The following CFAP74 variants were observed in gnomAD, a reference collection of about 807,000 sequenced individuals.
The protein encoded by CFAP74 is cilia and flagella associated protein 74, also known as cilia- and flagella-associated protein 74.
A neutral mutation model predicts 188.9 loss-of-function variants in CFAP74; 124 were observed. The ratio of observed to expected loss-of-function variants is 0.66; its 90% CI spans 0.57 to 0.76. The LOEUF is 0.76. Among genes scored for constraint, CFAP74 ranks in the 30% least tolerant of loss-of-function variants. CFAP74 has a pLI of 0.00. For synonymous variants in CFAP74, 956 were observed against 916.7 expected, an observed-to-expected ratio of 1.04 and a Z score of -0.77; for missense variants, 2,198 against 2,165.2, an observed-to-expected ratio of 1.02 and a Z score of -0.30.
rs55676322 is a variant in CFAP74 at position 1,968,936 on chromosome 1, G to A, written c.1047-103C>T. ...GCCCCTCCCTAGCGCCCTCCTGGGG[G>A]CTCCGGTCCTGCCCAGCAGCCCCAG... On this transcript the variant is annotated intron_variant, in intron 10 of 38. Coordinates refer to ENST00000682832, the MANE Select transcript of CFAP74 (RefSeq NM_001304360.2). This position sits in a 1 kb window ranked among gnomAD's most constrained non-coding sequence, Gnocchi z 4.3. The A allele has an allele frequency of 3.7e-3, 2,266 of 618,720 alleles. 6 individuals carry two copies. The highest frequency in any genetic ancestry group is 6.0e-3 in the Admixed American group (175 of 29,164). The allele number at this position is 618,720 out of a possible 1,614,324, so 38.3% of individuals were successfully genotyped here. A position where few individuals can be genotyped will look rare whatever the true frequency, so the allele number is the denominator to read the frequency against.
In CFAP74 at chr1:1,922,575, C is replaced by T. The variant is rs1421221219; in HGVS notation, c.4818+14G>A. 3 of 1,608,608 alleles carry T rather than the reference C, an allele frequency of 1.9e-6. No individual in the cohort carries two copies. In the Admixed American group the frequency reaches 5.0e-5, roughly 27 times the overall value. On this transcript the variant is annotated intron_variant, in intron 38 of 38. Coordinates refer to ENST00000682832, the MANE Select transcript of CFAP74 (RefSeq NM_001304360.2). ...TTCCCAGGGCTCCCTGGCCTGGAGC[C>T]CAAAGGCACCTACATCAAAGTCCGC... is the stretch of plus-strand genomic sequence containing the variant.
chr1:1,948,161 G>A (rs1005640468), intron 18 of CFAP74, among the ~76,000 whole-genome samples: 8 of 152,158 alleles, frequency 5.3e-5, no homozygotes, highest in African/African-American at 1.9e-4. Flanking sequence ...GTGAGCCACT[G>A]TGCCCGGCCA....
At chr1:1,984,667 A>G (rs1187426683) in intron 6 of CFAP74, 1 of 152,604 alleles carries the variant, frequency 6.6e-6, no homozygotes, top group Non-Finnish European at 1.5e-5. Context: ...TCGTGACTAC[A>G]TCACAGTGAG....
At chr1:1,954,867 C>T in intron 18 of CFAP74, 1 of 1,153,586 alleles carries the variant, frequency 8.7e-7, no homozygotes, top group Non-Finnish European at 1.1e-6. Context: ...GCCAGGTGCC[C>T]TGTGGGAACT....
In CFAP74 at chr1:1,923,186, G is replaced by C; in HGVS notation, c.4523-41C>G. The C allele has an allele frequency of 1.3e-6, 2 of 1,566,074 alleles. No homozygotes were observed. The highest frequency in any genetic ancestry group is 1.7e-6 in the Non-Finnish European group (2 of 1,158,732). ...CAGGGGAGCTGTTCAGGGTCAGGCT[G>C]AGGCATGGGGTGAGGCTGCAGCTGG... On this transcript the variant is annotated intron_variant, in intron 36 of 38. Coordinates refer to ENST00000682832, the MANE Select transcript of CFAP74 (RefSeq NM_001304360.2). The surrounding 1 kb of genome is among the most constrained non-coding windows in gnomAD (Gnocchi z 6.3).
intron 1 of CFAP74, among the ~76,000 whole-genome samples, chr1:1,991,776 A>G (rs933274335): frequency 1.3e-5 from 2 of 152,124 alleles, no homozygotes; most frequent in African/African-American, 4.8e-5. Context: ...GTGGTGGCTC[A>G]CACCTGTAAT....
intron 25 of CFAP74, among the ~76,000 whole-genome samples, chr1:1,932,167 C>T (rs1157943432): frequency 7.3e-5 from 11 of 150,746 alleles, no homozygotes; most frequent in African/African-American, 1.5e-4. Flanking sequence ...GAGGCTGAGG[C>T]GGGCAGATCA....
chr1:1,922,654 C>A lies in CFAP74; in HGVS notation c.4753G>T (p.Gly1585Cys). The change falls in exon 38 of 39, where the codon GGC becomes TGC. Residue 1585 changes from glycine (G) to cysteine (C), a missense_variant. Coordinates refer to ENST00000682832, the MANE Select transcript of CFAP74 (RefSeq NM_001304360.2). ...TTCGTCTGGCCGCGCTCCACGGAGC[C>A]CCTGGAGGGCTCAATAGAGAAACCC... Reference protein sequence around the residue: ...HKGFSIEPSRGSVERGQTKTI... With the variant: ...HKGFSIEPSRCSVERGQTKTI... The A allele has an allele frequency of 1.2e-6, 2 of 1,603,388 alleles. No individual in the cohort carries two copies. The highest frequency in any genetic ancestry group is 8.5e-7 in the Non-Finnish European group (1 of 1,174,294).
chr1:1,966,650 T>C (rs1216343110), intron 11 of CFAP74, 124 bp from the exon 12 acceptor site: 5 of 785,552 alleles, frequency 6.4e-6, no homozygotes, highest in African/African-American at 1.8e-5. Context: ...TCACGTACTC[T>C]GCATGGAGAT....
intron 18 of CFAP74, among the ~76,000 whole-genome samples, chr1:1,952,410 T>C (rs1654256558): frequency 2.0e-5 from 3 of 150,042 alleles, no homozygotes; most frequent in Admixed American, 6.6e-5. Context: ...CAAAATAAGA[T>C]GGTAGAAACG....
rs1217614593 is a variant in CFAP74 at position 1,938,085 on chromosome 1, TCA to T, written c.3011+768_3011+769del. On this transcript the variant is annotated intron_variant, in intron 25 of 38. Coordinates refer to ENST00000682832, the MANE Select transcript of CFAP74 (RefSeq NM_001304360.2). ...CCTTACACACCCAACACACACGCAC[TCA>T]CACTCAACCTTACACACCCACATAC... is the stretch of plus-strand genomic sequence containing the variant. 1.2e-4 allele frequency among the ~76,000 whole-genome samples: 17 copies of T among 136,338 alleles called. No homozygotes were observed. In the East Asian group the frequency reaches 1.5e-3, roughly 12 times the overall value. The allele number at this position is 136,338 out of a possible 152,430, so 89.4% of individuals were successfully genotyped here. A position where few individuals can be genotyped will look rare whatever the true frequency, so the allele number is the denominator to read the frequency against.
chr1:2,000,742 G>C (rs28575389), intron 1 of CFAP74, among the ~76,000 whole-genome samples: 21,004 of 151,898 alleles, frequency 0.14, 1,763 homozygotes, highest in South Asian at 0.32. Flanking sequence ...TAAGGACACC[G>C]GTCATACCAG....
intron 16 of CFAP74, among the ~76,000 whole-genome samples, chr1:1,958,543 GA>G (rs1654834847): frequency 6.6e-6 from 1 of 152,242 alleles, no homozygotes; most frequent in Admixed American, 6.5e-5. Context: ...GGGCCGGGGG[GA>G]CAATGATGTG....
intron 10 of CFAP74, among the ~76,000 whole-genome samples, chr1:1,970,266 G>T (rs1421606975): frequency 2.6e-5 from 4 of 152,268 alleles, no homozygotes; most frequent in Non-Finnish European, 5.9e-5. Flanking sequence ...AGCAAGGGCA[G>T]GCCCAGCAGC....
At chr1:1,956,196 G>C (rs1404527635) in intron 17 of CFAP74, among the ~76,000 whole-genome samples, 1 of 152,232 alleles carries the variant, frequency 6.6e-6, no homozygotes, top group African/African-American at 2.4e-5. Context: ...CTCCACCTGA[G>C]CCTTGGGACA....
chr1:1,955,970 CCCTCAGCTGCCT>C, intron 17 of CFAP74, 120 bp from the exon 18 acceptor site: 2 of 1,444,960 alleles, frequency 1.4e-6, no homozygotes, highest in Admixed American at 2.6e-5. Flanking sequence ...CCAGCGTGGC[CCCTCAGCTGCCT>C]CCTCGGCTGC....
In CFAP74 at chr1:1,959,992, C is replaced by A; in HGVS notation, c.1733G>T (p.Cys578Phe). The A allele has an allele frequency of 6.3e-7, 1 of 1,596,894 alleles. No homozygotes were observed. The highest frequency in any genetic ancestry group is 8.5e-7 in the Non-Finnish European group (1 of 1,172,780). ...CGGCTTGAAGGTGACAAGCACTTCACAGGACATTCCGGCTGACAGGGGGCC... is the reference window on the plus strand; with the variant it reads ...CGGCTTGAAGGTGACAAGCACTTCAAAGGACATTCCGGCTGACAGGGGGCC... Reference protein sequence around the residue: ...PPGPLSAGMSCEVLVTFKPMI... With the variant: ...PPGPLSAGMSFEVLVTFKPMI... Residue 578 changes from cysteine to phenylalanine, a missense_variant, in exon 15 of 39, where the codon TGT becomes TTT. Transcript: ENST00000682832.
chr1:1,940,460 A>G (rs1434960563), intron 22 of CFAP74, 57 bp from the exon 23 acceptor site: 7 of 1,230,534 alleles, frequency 5.7e-6, no homozygotes, highest in South Asian at 2.9e-5. Context: ...TGAAATGACA[A>G]TAAGACCCAC....
chr1:1,966,672 C>T (rs948327821), intron 11 of CFAP74, 146 bp from the exon 12 acceptor site: 9 of 565,464 alleles, frequency 1.6e-5, no homozygotes, highest in Admixed American at 4.3e-5. Flanking sequence ...GCGGTGCACA[C>T]GGTTTTGTAA....
Sources: allele counts gnomAD v4.1 joint callset (sites outside exome capture counted in the v4.1 genomes callset), GRCh38; gene constraint gnomAD v4.1.1; non-coding constraint Gnocchi (gnomAD v3.1); transcripts MANE v1.5; gene names NCBI Gene and HGNC (gene_info 2026-07-23, HGNC 2026-07-21).